The following ABCA10 variants were observed in gnomAD, a reference collection of about 807,000 sequenced individuals.
ABCA10 encodes the protein ATP-binding cassette sub-family A member 10.
Under a neutral mutation model 187.5 loss-of-function variants are expected in ABCA10, and 169 were observed. That is an observed-to-expected ratio of 0.90 (90% CI 0.80 to 1.02). The LOEUF (loss-of-function observed/expected upper bound fraction) is 1.02, where lower values mean the gene tolerates loss of function less well. Ranked by LOEUF, ABCA10 falls within the 50% of genes least tolerant of loss-of-function variation. The pLI, the probability that ABCA10 is intolerant of heterozygous loss-of-function variation, is 0.00. For missense variants in ABCA10, 1,727 were observed against 1,812.4 expected, an observed-to-expected ratio of 0.95 and a Z score of 0.86; for synonymous variants, 574 against 601.8, an observed-to-expected ratio of 0.95 and a Z score of 0.68.
chr17:69,174,589 G>T lies in ABCA10; in HGVS notation c.3048+18C>A. On this transcript the variant is annotated intron_variant, in intron 24 of 38. Coordinates refer to ENST00000690296, the MANE Select transcript of ABCA10 (RefSeq NM_001377321.1). The stretch of plus-strand genomic sequence containing the variant: ...ATTCTACTATTATAATTGGCTTGTG[G>T]AAAAAATGATCACTTACCAAAACAA... 6.4e-7 allele frequency: 1 copy of T among 1,569,026 alleles called. No individual in the cohort carries two copies. The highest frequency in any genetic ancestry group is 1.2e-5 in the South Asian group (1 of 83,842).
At chr17:69,160,580 C>T (rs1380327834) in intron 27 of ABCA10, among the ~76,000 whole-genome samples, 1 of 152,012 alleles carries the variant, frequency 6.6e-6, no homozygotes, top group Non-Finnish European at 1.5e-5. Flanking sequence ...GCACTCCAGC[C>T]TGGTGACAGA....
chr17:69,149,882 G>C, intron 37 of ABCA10, 102 bp downstream of exon 37: 1 of 900,384 alleles, frequency 1.1e-6, no homozygotes, highest in Non-Finnish European at 1.7e-6. Context: ...TTCAAGTTTT[G>C]ATTGATTATT....
intron 22 of ABCA10, among the ~76,000 whole-genome samples, chr17:69,177,950 C>T (rs1282943341): frequency 4.9e-3 from 106 of 21,668 alleles, no homozygotes; most frequent in African/African-American, 0.013. Flanking sequence ...AATGAGACTC[C>T]ATTTCAAAAA....
rs1463961890 is a variant in ABCA10 at position 69,167,386 on chromosome 17, C to T, written c.3163-2303G>A. Among the ~76,000 whole-genome samples the T allele has an allele frequency of 1.1e-4, 16 of 152,252 alleles. 1 individual carries two copies. In the South Asian group the frequency reaches 3.3e-3, roughly 32 times the overall value. On this transcript the variant is annotated intron_variant, in intron 25 of 38. Coordinates refer to ENST00000690296, the MANE Select transcript of ABCA10 (RefSeq NM_001377321.1). ...GGAAGGATTCCACCATTGGAGATGC[C>T]ATTGTTATAGAAAGAGCTGTGAAAG...
At chr17:69,164,008 G>T in intron 27 of ABCA10, 66 bp downstream of exon 27, 1 of 1,298,606 alleles carries the variant, frequency 7.7e-7, no homozygotes, top group Non-Finnish European at 1.0e-6. Context: ...GGCATACCTT[G>T]AATAAGATTT....
At chr17:69,222,869 A>C (rs1345567719) in intron 3 of ABCA10, among the ~76,000 whole-genome samples, 172 bp from the exon 4 acceptor site, 1 of 152,206 alleles carries the variant, frequency 6.6e-6, no homozygotes, top group Non-Finnish European at 1.5e-5. Flanking sequence ...GTTCAATGCA[A>C]ATACATGAAA....
At position 69,182,776 on chromosome 17, in the gene ABCA10, T is replaced by C; in HGVS notation, c.2530A>G (p.Lys844Glu). ...SNIEDLVHSL[K>E]CQDIVLEIDD... ...ATTTCCAAAACTATATCCTGACACT[T>C]CAGTGAATGCACGAGGTCTTCAATA... is the stretch of plus-strand genomic sequence containing the variant. Residue 844 changes from lysine to glutamate, a missense_variant, in exon 21 of 39, where the codon AAG becomes GAG. Coordinates refer to ENST00000690296, the MANE Select transcript of ABCA10 (RefSeq NM_001377321.1). The C allele has an allele frequency of 6.2e-7, 1 of 1,610,470 alleles. No individual in the cohort carries two copies. Among genetic ancestry groups the C allele is most frequent in the East Asian group, 2.2e-5 (1 of 44,800 alleles).
chr17:69,236,269 C>T (rs938277307), intron 1 of ABCA10, among the ~76,000 whole-genome samples: 6 of 152,100 alleles, frequency 3.9e-5, no homozygotes, highest in Non-Finnish European at 7.4e-5. Context: ...GCTTGTAAAT[C>T]CCCCCTGCCC....
intron 31 of ABCA10, 76 bp from the exon 32 acceptor site, chr17:69,154,085 G>C: frequency 6.5e-7 from 1 of 1,530,204 alleles, no homozygotes; most frequent in Non-Finnish European, 8.8e-7. Flanking sequence ...AGATAAAAGT[G>C]GCCATTAAGC....
chr17:69,180,823 AT>A, intron 22 of ABCA10, among the ~76,000 whole-genome samples: 1 of 152,204 alleles, frequency 6.6e-6, no homozygotes, highest in East Asian at 1.9e-4. Flanking sequence ...CAATTTTCCA[AT>A]AAAATTTCAT....
Position 69,155,880 on chromosome 17 carries a change from G to C in ABCA10, c.3501C>G (p.Pro1167=). 6.2e-7 allele frequency: 1 copy of C among 1,613,438 alleles called. No homozygotes were observed. Among genetic ancestry groups the C allele is most frequent in the East Asian group, 2.2e-5 (1 of 44,822 alleles). ...CTTGAACATCTTCATCTTCTTCTTC[G>C]GGCTCTTCCGGATTGGGATGAGTTT... The part of the protein sequence containing the change: ...SRETHPNPEE[P]EEEDEDVQAE... Residue 1167 remains proline, a synonymous_variant, in exon 29 of 39, where the codon CCC becomes CCG. Transcript: ENST00000690296.
intron 1 of ABCA10, among the ~76,000 whole-genome samples, chr17:69,235,243 G>C (rs114922928): frequency 0.023 from 3,469 of 152,250 alleles, 135 homozygotes; most frequent in African/African-American, 0.071. Flanking sequence ...GAGAGTGCCT[G>C]AAACGTTTCC....
chr17:69,222,897 T>C (rs1254087677), intron 3 of ABCA10, among the ~76,000 whole-genome samples, 200 bp from the exon 4 acceptor site: 1 of 152,216 alleles, frequency 6.6e-6, no homozygotes, highest in Non-Finnish European at 1.5e-5. Flanking sequence ...AAGGACACAT[T>C]GTCTTTTAAA....
At chr17:69,230,969 C>T (rs2074828304), upstream of ABCA10, among the ~76,000 whole-genome samples, 1 of 152,140 alleles carries the variant, frequency 6.6e-6, no homozygotes, top group African/African-American at 2.4e-5. Context: ...GCTACCTTAT[C>T]TTATAAAATA....
chr17:69,167,866 A>C (rs2074265314), intron 25 of ABCA10, among the ~76,000 whole-genome samples: 1 of 152,036 alleles, frequency 6.6e-6, no homozygotes, highest in South Asian at 2.1e-4. Flanking sequence ...AGCAAAAAGT[A>C]AGACAGAAAT....
intron 7 of ABCA10, 45 bp from the exon 8 acceptor site, chr17:69,216,045 T>C: frequency 6.3e-7 from 1 of 1,577,704 alleles, no homozygotes; most frequent in East Asian, 2.2e-5. Flanking sequence ...TCCTTGAAGA[T>C]TCATAAATAG....
intron 9 of ABCA10, among the ~76,000 whole-genome samples, chr17:69,214,291 G>A (rs1343185718): frequency 5.3e-5 from 8 of 152,058 alleles, no homozygotes; most frequent in African/African-American, 1.4e-4. Context: ...CGAGGCGGGC[G>A]GATCACGAGG....
Position 69,210,839 on chromosome 17 carries a change from T to TATATATATATATATATA in ABCA10, c.1006+3864_1006+3865insTATATATATATATATAT, listed in dbSNP as rs1568069864. Among the ~76,000 whole-genome samples, 46 of 31,110 alleles carry TATATATATATATATATA rather than the reference T, an allele frequency of 1.5e-3. 3 individuals are homozygous for TATATATATATATATATA. Among genetic ancestry groups the TATATATATATATATATA allele is most frequent in the African/African-American group, 3.0e-3 (45 of 15,144 alleles). The allele number at this position is 31,110 out of a possible 152,430, so 20.4% of individuals were successfully genotyped here. Reference sequence around the variant, plus strand: ...ATACATATATATATATGCCACATATTTATGCCACATATATATATATATATA... The same window carrying TATATATATATATATATA: ...ATACATATATATATATGCCACATATTATATATATATATATATATATGCCACATATATATATATATATA... On this transcript the variant is annotated intron_variant, in intron 9 of 38. Coordinates refer to ENST00000690296, the MANE Select transcript of ABCA10 (RefSeq NM_001377321.1).
chr17:69,182,648 A>T (rs757919824), intron 21 of ABCA10, 27 bp downstream of exon 21: 2 of 1,545,128 alleles, frequency 1.3e-6, no homozygotes, highest in South Asian at 1.3e-5. Context: ...AAAACCAAAA[A>T]AAAACAGTGC....
Sources: allele counts gnomAD v4.1 joint callset (sites outside exome capture counted in the v4.1 genomes callset), GRCh38; gene constraint gnomAD v4.1.1; transcripts MANE v1.5; gene names NCBI Gene and HGNC (gene_info 2026-07-23, HGNC 2026-07-21).